NTRK2: variants seen among roughly 807,000 people sequenced by gnomAD.
NTRK2 encodes neurotrophic receptor tyrosine kinase 2, also known as BDNF/NT-3 growth factors receptor.
A neutral mutation model predicts 94.5 loss-of-function variants in NTRK2; 13 were observed. The ratio of observed to expected loss-of-function variants is 0.14; its 90% CI spans 0.09 to 0.22. The LOEUF (loss-of-function observed/expected upper bound fraction) is 0.22, where lower values mean the gene tolerates loss of function less well. Ranked by LOEUF, NTRK2 falls within the 10% of genes least tolerant of loss-of-function variation. NTRK2 has a pLI of 1.00. For synonymous variants in NTRK2, 372 were observed against 407.4 expected (o/e 0.91, Z 1.05); for missense variants, 639 against 1,071.2 (o/e 0.60, Z 5.63).
intron 12 of NTRK2, among the ~76,000 whole-genome samples, chr9:84,806,526 C>T (rs771434318): frequency 3.3e-5 from 5 of 152,212 alleles, no homozygotes; most frequent in Non-Finnish European, 5.9e-5. Context: ...ATTTCTGCTA[C>T]AGGTGCAGAT....
At chr9:84,948,145 G>T (rs1171242798) in intron 15 of NTRK2, among the ~76,000 whole-genome samples, 3 of 152,180 alleles carry the variant, frequency 2.0e-5, no homozygotes, top group African/African-American at 4.8e-5. Context: ...ATCACAGAAA[G>T]AAAGCACAAC....
intron 17 of NTRK2, among the ~76,000 whole-genome samples, chr9:84,970,810 T>A (rs1420816599): frequency 6.6e-6 from 1 of 152,274 alleles, no homozygotes; most frequent in African/African-American, 2.4e-5. Context: ...CCATACTTGC[T>A]TCTGGTCATC....
chr9:84,772,691 C>G (rs2066672163), intron 12 of NTRK2, among the ~76,000 whole-genome samples: 1 of 152,182 alleles, frequency 6.6e-6, no homozygotes, highest in South Asian at 2.1e-4. Context: ...GATTCATTGT[C>G]TACAGAAATC....
At chr9:84,764,196 G>T (rs1231027850) in intron 12 of NTRK2, among the ~76,000 whole-genome samples, 4 of 152,172 alleles carry the variant, frequency 2.6e-5, no homozygotes, top group Non-Finnish European at 5.9e-5. Flanking sequence ...CCAGATACCA[G>T]ATCTTTTCTT....
chr9:84,773,871 A>G (rs574042628), intron 12 of NTRK2, among the ~76,000 whole-genome samples: 2 of 152,162 alleles, frequency 1.3e-5, no homozygotes, highest in African/African-American at 4.8e-5. Flanking sequence ...TATGCATACA[A>G]TCTCTCAACT....
intron 1 of NTRK2, 57 bp from the exon 2 acceptor site, chr9:84,670,320 C>T: frequency 3.4e-6 from 1 of 293,710 alleles, no homozygotes; most frequent in South Asian, 7.8e-5. Context: ...GAGAGTGCCC[C>T]AATTAGTGGT....
intron 11 of NTRK2, among the ~76,000 whole-genome samples, chr9:84,750,685 C>A (rs575224101): frequency 6.2e-4 from 95 of 152,304 alleles, no homozygotes; most frequent in African/African-American, 2.2e-3. Flanking sequence ...ACAGAGACTG[C>A]AAGGCTGGCA....
intron 17 of NTRK2, among the ~76,000 whole-genome samples, chr9:84,959,253 G>T (rs184811192): frequency 6.6e-6 from 1 of 152,124 alleles, no homozygotes. Context: ...TCTTTCCATC[G>T]CAGTAATGGG....
chr9:84,969,356 G>C (rs1825928670), intron 17 of NTRK2, among the ~76,000 whole-genome samples: 1 of 152,242 alleles, frequency 6.6e-6, no homozygotes, highest in African/African-American at 2.4e-5. Context: ...TAAAGGAAAA[G>C]TTTTGTGGCG....
In NTRK2 at chr9:84,752,026, G is replaced by C. The variant is rs1245199940; in HGVS notation, c.1337G>C (p.Cys446Ser). 1.2e-6 allele frequency: 2 copies of C among 1,613,912 alleles called. No homozygotes were observed. Among genetic ancestry groups the C allele is most frequent in the Non-Finnish European group, 1.7e-6 (2 of 1,179,972 alleles). ...GTGATTGCGTCTGTGGTGGGATTTTGCCTTTTGGTAATGCTGTTTCTGCTT... is the reference window on the plus strand; with the variant it reads ...GTGATTGCGTCTGTGGTGGGATTTTCCCTTTTGGTAATGCTGTTTCTGCTT... ...VVVIASVVGF[C>S]LLVMLFLLKL... is the part of the protein sequence containing the mutation. Residue 446 changes from cysteine (C) to serine (S), a missense_variant, in exon 12 of 19, where the codon TGC becomes TCC. Coordinates refer to ENST00000277120, the MANE Select transcript of NTRK2 (RefSeq NM_006180.6).
At chr9:84,776,884 A>G (rs1389485798) in intron 12 of NTRK2, among the ~76,000 whole-genome samples, 2 of 152,214 alleles carry the variant, frequency 1.3e-5, no homozygotes, top group Admixed American at 6.5e-5. Flanking sequence ...GCTGTTCACT[A>G]TACAAACATC....
chr9:84,700,369 T>A (rs554802412), intron 2 of NTRK2, among the ~76,000 whole-genome samples: 1 of 152,312 alleles, frequency 6.6e-6, no homozygotes, highest in South Asian at 2.1e-4. Flanking sequence ...TCCTTTCAAG[T>A]CTTAAAATGT....
At chr9:84,896,165 A>G (rs572921951) in intron 14 of NTRK2, among the ~76,000 whole-genome samples, 1 of 152,362 alleles carries the variant, frequency 6.6e-6, no homozygotes, top group African/African-American at 2.4e-5. Context: ...TTTCAAAGAA[A>G]TTATATGGCT....
At chr9:84,812,133 ACAGT>A in intron 12 of NTRK2, 1 of 1,059,290 alleles carries the variant, frequency 9.4e-7, no homozygotes, top group Non-Finnish European at 1.1e-6. Context: ...CTAGTCCAAC[ACAGT>A]CAGAAACATT....
intron 2 of NTRK2, among the ~76,000 whole-genome samples, chr9:84,680,496 C>T (rs2131387157): frequency 6.6e-6 from 1 of 152,322 alleles, no homozygotes; most frequent in South Asian, 2.1e-4. Context: ...GGCTGGAGCG[C>T]CTTTCAGCTG....
Position 84,752,095 on chromosome 9 carries a change from G to T in NTRK2, c.1396+10G>T, listed in dbSNP as rs762989573. On this transcript the variant is annotated intron_variant, in intron 12 of 18. Transcript: ENST00000277120. ...AAGTTTGGCATGAAAGGTAAGAAGG[G>T]TTGTGTTTATTTAGCTTCTTATGTG... is the stretch of plus-strand genomic sequence containing the variant. 6.2e-7 allele frequency: 1 copy of T among 1,607,368 alleles called. No individual in the cohort carries two copies. Among genetic ancestry groups the T allele is most frequent in the South Asian group, 1.1e-5 (1 of 90,906 alleles).
At chr9:84,714,047 G>T (rs765985009) in intron 6 of NTRK2, among the ~76,000 whole-genome samples, 8 of 151,980 alleles carry the variant, frequency 5.3e-5, no homozygotes, top group South Asian at 2.1e-4. Flanking sequence ...TACACTTTTG[G>T]CTCCACCCAT....
chr9:84,668,624 T>C (rs2058509267), upstream of NTRK2: 1 of 152,128 alleles, frequency 6.6e-6, no homozygotes, highest in Non-Finnish European at 1.5e-5. Context: ...ATAGTTACGG[T>C]TTGTCACCCG....
intron 17 of NTRK2, among the ~76,000 whole-genome samples, chr9:85,016,468 C>T (rs2133569590): frequency 6.6e-6 from 1 of 152,322 alleles, no homozygotes; most frequent in Admixed American, 6.5e-5. Context: ...AATTCTGACT[C>T]TCAGTGTCAT....
Sources: allele counts gnomAD v4.1 joint callset (sites outside exome capture counted in the v4.1 genomes callset), GRCh38; gene constraint gnomAD v4.1.1; transcripts MANE v1.5; gene names NCBI Gene and HGNC (gene_info 2026-07-23, HGNC 2026-07-21).